The following RGS7 variants were observed in gnomAD, a reference collection of about 807,000 sequenced individuals.
RGS7 encodes regulator of G-protein signaling 7.
In RGS7, 27 loss-of-function variants were observed where a neutral mutation model predicts 81.1. The observed-to-expected ratio is 0.33, with a 90% CI of 0.25 to 0.46. RGS7 has a LOEUF of 0.46. Ranked by LOEUF, RGS7 falls within the 20% of genes least tolerant of loss-of-function variation. The probability of loss-of-function intolerance (pLI) is 1.00; values close to 1 mark genes in which losing one functional copy is unlikely to be tolerated. For synonymous variants in RGS7, 208 were observed against 207.7 expected (o/e 1.00, Z -0.01); for missense variants, 396 against 607.4 (o/e 0.65, Z 3.66).
chr1:241,180,566 AT>A (rs2071535833), intron 2 of RGS7, among the ~76,000 whole-genome samples: 1 of 152,226 alleles, frequency 6.6e-6, no homozygotes, highest in Non-Finnish European at 1.5e-5. Context: ...AAGAAGTATA[AT>A]GCTGAACAGT....
chr1:241,078,031 T>G (rs771453493), intron 3 of RGS7, among the ~76,000 whole-genome samples: 1 of 151,348 alleles, frequency 6.6e-6, no homozygotes, highest in Non-Finnish European at 1.5e-5. Context: ...ATATATACCA[T>G]GTATACGTAA....
At chr1:240,870,806 G>A (rs1165272066) in intron 6 of RGS7, among the ~76,000 whole-genome samples, 2 of 152,132 alleles carry the variant, frequency 1.3e-5, no homozygotes, top group African/African-American at 2.4e-5. Flanking sequence ...CACATTCAAC[G>A]ATGTCCAGAT....
chr1:240,859,124 T>A (rs1400273862), intron 9 of RGS7, among the ~76,000 whole-genome samples: 2 of 152,190 alleles, frequency 1.3e-5, no homozygotes, highest in African/African-American at 4.8e-5. Context: ...CTTCCTGTCT[T>A]AGAAGGTTAT....
intron 4 of RGS7, among the ~76,000 whole-genome samples, chr1:240,962,802 G>T (rs796452514): frequency 1.4e-4 from 22 of 152,258 alleles, no homozygotes; most frequent in African/African-American, 4.6e-4. Flanking sequence ...TGTGATTAGG[G>T]ATATAATGTC....
chr1:241,318,205 C>A (rs1189282045), intron 2 of RGS7, among the ~76,000 whole-genome samples: 1 of 152,126 alleles, frequency 6.6e-6, no homozygotes, highest in African/African-American at 2.4e-5. Flanking sequence ...TTGGTCAATA[C>A]TGGAATCCAG....
intron 3 of RGS7, among the ~76,000 whole-genome samples, chr1:240,985,847 T>C (rs1423741689): frequency 1.3e-5 from 2 of 151,988 alleles, no homozygotes; most frequent in Non-Finnish European, 2.9e-5. Context: ...CGTGCTCCTA[T>C]AGAGTCATCT....
In RGS7 at chr1:241,136,765, TA is replaced by T. The variant is rs539464032; in HGVS notation, c.79-38004del. Among the ~76,000 whole-genome samples, 27 of 152,226 alleles carry T rather than the reference TA, an allele frequency of 1.8e-4. No individual in the cohort carries two copies. In the East Asian group the frequency reaches 4.8e-3, roughly 27 times the overall value. On this transcript the variant is annotated intron_variant, in intron 2 of 18. Transcript: ENST00000440928. ...TCAAGTGCATTTGTGATTTCACATG[TA>T]AAAAAAATTACAAATGAGCATCATA...
rs533740482 is a variant in RGS7 at position 241,223,527 on chromosome 1, C to T, written c.79-124765G>A. On this transcript the variant is annotated intron_variant, in intron 2 of 18. Coordinates refer to ENST00000440928, the MANE Select transcript of RGS7 (RefSeq NM_001364886.1). ...AGGTTGTTGGAAAGCCTGGCAAGCA[C>T]GAATAAGTGGAAGAGAAAGGAAGGG... is the stretch of plus-strand genomic sequence containing the variant. Among the ~76,000 whole-genome samples, 32 of 151,528 alleles carry T rather than the reference C, an allele frequency of 2.1e-4. No individual in the cohort carries two copies. In the South Asian group the frequency reaches 4.6e-3, roughly 22 times the overall value.
chr1:241,160,616 CTCAGAGTCATTTT>C (rs1194965861), intron 2 of RGS7, among the ~76,000 whole-genome samples: 2 of 152,218 alleles, frequency 1.3e-5, no homozygotes, highest in African/African-American at 4.8e-5. Flanking sequence ...GCTCCCAAAA[CTCAGAGTCATTTT>C]TCTACATTGG....
At chr1:241,020,643 C>T (rs147051826) in intron 3 of RGS7, among the ~76,000 whole-genome samples, 33 of 152,228 alleles carry the variant, frequency 2.2e-4, no homozygotes, top group African/African-American at 7.5e-4. Context: ...GAGGGAAAGA[C>T]CATTCAATCT....
intron 2 of RGS7, among the ~76,000 whole-genome samples, chr1:241,302,715 T>C (rs1428953849): frequency 1.3e-5 from 2 of 152,180 alleles, no homozygotes; most frequent in Non-Finnish European, 2.9e-5. Flanking sequence ...GTACGTATGA[T>C]TCAGTCTCAA....
At chr1:241,309,386 CAAAAAAAA>C (rs71571833) in intron 2 of RGS7, among the ~76,000 whole-genome samples, 3 of 85,286 alleles carry the variant, frequency 3.5e-5, no homozygotes, top group African/African-American at 9.2e-5. Flanking sequence ...AACTCCAACT[CAAAAAAAA>C]AAAAAAAAAA....
Position 240,870,082 on chromosome 1 carries a change from T to C in RGS7, c.423A>G (p.Ala141=). The stretch of plus-strand genomic sequence containing the variant: ...CCTCATAGTCTGCGAGCTCCAGTCG[T>C]GCCTTGTTTTGCATTGTTCTCTTGC... ...YLCKRTMQNK[A]RLELADYEAE... Residue 141 remains alanine (A), a synonymous_variant, in exon 7 of 19, where the codon GCA becomes GCG. Transcript: ENST00000440928. The C allele has an allele frequency of 1.2e-6, 2 of 1,614,124 alleles. No homozygotes were observed. Among genetic ancestry groups the C allele is most frequent in the Non-Finnish European group, 1.7e-6 (2 of 1,179,998 alleles).
At chr1:240,815,773 G>A (rs995657028) in intron 11 of RGS7, among the ~76,000 whole-genome samples, 10 of 152,154 alleles carry the variant, frequency 6.6e-5, no homozygotes, top group African/African-American at 2.4e-4. Context: ...AATATTACTT[G>A]GAGTCAACAC....
intron 9 of RGS7, among the ~76,000 whole-genome samples, chr1:240,847,604 T>G (rs785976): frequency 1.3e-5 from 2 of 152,068 alleles, no homozygotes; most frequent in African/African-American, 4.8e-5. Flanking sequence ...CATTTAGCTC[T>G]TGACACAATG....
rs141932343 is a variant in RGS7 at position 240,979,821 on chromosome 1, T to C, written c.226+3258A>G. On this transcript the variant is annotated intron_variant, in intron 4 of 18. Transcript: ENST00000440928. Reference sequence around the variant, plus strand: ...GGCCAGTGAAAAGGATGGAAGAGTATGAGTGTGAAATTCTGGAAGCAAAGG... The same window carrying C: ...GGCCAGTGAAAAGGATGGAAGAGTACGAGTGTGAAATTCTGGAAGCAAAGG... Among the ~76,000 whole-genome samples, 514 of 152,222 alleles carry C rather than the reference T, an allele frequency of 3.4e-3. 1 individual carries two copies. Among genetic ancestry groups the C allele is most frequent in the African/African-American group, 0.012 (498 of 41,532 alleles).
intron 2 of RGS7, among the ~76,000 whole-genome samples, chr1:241,344,873 T>C (rs2082786764): frequency 6.6e-6 from 1 of 152,248 alleles, no homozygotes; most frequent in Non-Finnish European, 1.5e-5. Context: ...TTGGGCACTG[T>C]GCTAGGCACT....
At position 240,959,314 on chromosome 1, in the gene RGS7, G is replaced by A. The variant is rs752813678; in HGVS notation, c.227-22608C>T. Among the ~76,000 whole-genome samples the A allele has an allele frequency of 2.6e-5, 4 of 152,098 alleles. 1 individual carries two copies. Among genetic ancestry groups the A allele is most frequent in the African/African-American group, 4.8e-5 (2 of 41,426 alleles). On this transcript the variant is annotated intron_variant, in intron 4 of 18. Coordinates refer to ENST00000440928, the MANE Select transcript of RGS7 (RefSeq NM_001364886.1). ...ATCTTCGGTGATTTCATCATTGTGCGAACTTCATGGAGTATACTTACACAA... is the reference window on the plus strand; with the variant it reads ...ATCTTCGGTGATTTCATCATTGTGCAAACTTCATGGAGTATACTTACACAA...
chr1:241,022,467 G>A (rs924853665), intron 3 of RGS7, among the ~76,000 whole-genome samples: 7 of 152,174 alleles, frequency 4.6e-5, no homozygotes, highest in Non-Finnish European at 8.8e-5. Flanking sequence ...TGTAAAACCT[G>A]AGATTAGTGT....
Sources: gnomAD v4.1 joint callset for allele counts (sites outside exome capture counted in the v4.1 genomes callset) on GRCh38, gnomAD v4.1.1 for gene constraint, MANE v1.5 for transcripts, NCBI Gene and HGNC (gene_info 2026-07-23, HGNC 2026-07-21) for gene names.